The following PDE3A variants were observed in gnomAD, a reference collection of about 807,000 sequenced individuals.
The protein encoded by PDE3A is phosphodiesterase 3A.
In PDE3A, 43 loss-of-function variants were observed where a neutral mutation model predicts 98.3. The ratio of observed to expected loss-of-function variants is 0.44; its 90% CI spans 0.34 to 0.56. PDE3A has a LOEUF of 0.56. Ranked by LOEUF, PDE3A falls within the 20% of genes least tolerant of loss-of-function variation. PDE3A has a pLI of 0.01. For missense variants in PDE3A, 1,427 were observed against 1,440.7 expected (o/e 0.99, Z 0.15); for synonymous variants, 663 against 567.9 (o/e 1.17, Z -2.38).
chr12:20,655,763 C>G (rs1945027916), intron 15 of PDE3A, among the ~76,000 whole-genome samples: 1 of 152,162 alleles, frequency 6.6e-6, no homozygotes, highest in Admixed American at 6.5e-5. Context: ...TACATTTTAA[C>G]TGGACTGCTT....
At chr12:20,525,428 T>TTTTTCAAATCTTTTAACATGGAAACA (rs1946498676) in intron 1 of PDE3A, among the ~76,000 whole-genome samples, 3 of 147,320 alleles carry the variant, frequency 2.0e-5, no homozygotes, top group Non-Finnish European at 3.0e-5. Flanking sequence ...TTGTTGTTCC[T>TTTTTCAAATCTTTTAACATGGAAACA]TTTTCAAATC....
intron 15 of PDE3A, among the ~76,000 whole-genome samples, chr12:20,678,672 C>G (rs1254824426): frequency 2.0e-5 from 3 of 152,184 alleles, no homozygotes; most frequent in South Asian, 4.1e-4. Context: ...GTAGCCAGCT[C>G]TAAGTTCACT....
At chr12:20,397,452 G>T (rs571125655) in intron 1 of PDE3A, among the ~76,000 whole-genome samples, 15 of 151,928 alleles carry the variant, frequency 9.9e-5, no homozygotes, top group Admixed American at 2.6e-4. Flanking sequence ...TATACTTATG[G>T]TATATCTCAA....
intron 1 of PDE3A, among the ~76,000 whole-genome samples, chr12:20,493,717 G>T (rs1042853481): frequency 2.6e-5 from 4 of 151,974 alleles, no homozygotes; most frequent in African/African-American, 9.7e-5. Context: ...CGCAGCCTCC[G>T]ACTCCCAGGT....
At chr12:20,501,634 G>A (rs7488406) in intron 1 of PDE3A, among the ~76,000 whole-genome samples, 151,323 of 152,266 alleles carry the variant, frequency 0.99, 75,202 homozygotes, top group East Asian at 1. Flanking sequence ...AATCATACCA[G>A]AAGAGTTACT....
rs138564076 is a variant in PDE3A, at chr12:20,570,959, T to G, written c.1011+14249T>G. 2.0e-5 allele frequency among the ~76,000 whole-genome samples: 3 copies of G among 152,302 alleles called. No individual in the cohort carries two copies. In the East Asian group the frequency reaches 5.8e-4, roughly 29 times the overall value. ...CTAGTGAACTTATTAGACGTTCTGATGGACAGTGTTTTAGATGAAACTAGA... is the reference window on the plus strand; with the variant it reads ...CTAGTGAACTTATTAGACGTTCTGAGGGACAGTGTTTTAGATGAAACTAGA... On this transcript the variant is annotated intron_variant, in intron 2 of 15. Coordinates refer to ENST00000359062, the MANE Select transcript of PDE3A (RefSeq NM_000921.5).
chr12:20,483,383 A>C (rs1279833812), intron 1 of PDE3A, among the ~76,000 whole-genome samples: 1 of 152,142 alleles, frequency 6.6e-6, no homozygotes, highest in Non-Finnish European at 1.5e-5. Context: ...GCGACACTCC[A>C]TCTCAACAAA....
At chr12:20,612,305 T>G (rs534150158) in intron 2 of PDE3A, among the ~76,000 whole-genome samples, 5 of 151,754 alleles carry the variant, frequency 3.3e-5, no homozygotes, top group Non-Finnish European at 7.4e-5. Flanking sequence ...CACTTCCTTT[T>G]TCAATTTTGT....
At chr12:20,583,092 C>T (rs1043634228) in intron 2 of PDE3A, among the ~76,000 whole-genome samples, 7 of 152,020 alleles carry the variant, frequency 4.6e-5, no homozygotes, top group South Asian at 2.1e-4. Context: ...GCCCAGAAAC[C>T]TGGTTAGCTG....
intron 2 of PDE3A, among the ~76,000 whole-genome samples, chr12:20,594,329 A>G (rs1943413252): frequency 6.6e-6 from 1 of 152,174 alleles, no homozygotes; most frequent in South Asian, 2.1e-4. Flanking sequence ...CAGTGGTAGG[A>G]GACTGGTATT....
chr12:20,523,703 G>A (rs1194458311), intron 1 of PDE3A, among the ~76,000 whole-genome samples: 2 of 152,248 alleles, frequency 1.3e-5, no homozygotes, highest in South Asian at 2.1e-4. Context: ...ATTTCTTAAC[G>A]GGTGTGTGAT....
At position 20,372,422 on chromosome 12, in the gene PDE3A, G is replaced by T. The variant is rs569786579; in HGVS notation, c.960+2178G>T. ...AATGAGGGCATGGGTGAGTGTGTGC[G>T]TGTCACTGAAGACTGGTTTTTATAT... On this transcript the variant is annotated intron_variant, in intron 1 of 15. Coordinates refer to ENST00000359062, the MANE Select transcript of PDE3A (RefSeq NM_000921.5). Among the ~76,000 whole-genome samples, 8 of 152,148 alleles carry T rather than the reference G, an allele frequency of 5.3e-5. No homozygotes were observed. The East Asian group carries it at 1.5e-3, about 29-fold the overall frequency.
intron 6 of PDE3A, among the ~76,000 whole-genome samples, 174 bp from the exon 7 acceptor site, chr12:20,633,519 C>T (rs1231783276): frequency 6.6e-6 from 1 of 152,286 alleles, no homozygotes; most frequent in Non-Finnish European, 1.5e-5. Context: ...GAAAGTAGTA[C>T]ACTGCATATC....
rs1054066688 is a variant in PDE3A at position 20,684,278 on chromosome 12, A to G, written c.*4007A>G. 6.6e-5 allele frequency: 10 copies of G among 152,138 alleles called. No homozygotes were observed. The highest frequency in any genetic ancestry group is 2.2e-4 in the African/African-American group (9 of 41,454). The allele number at this position is 152,138 out of a possible 1,614,324, so 9.4% of individuals were successfully genotyped here. A position where few individuals can be genotyped will look rare whatever the true frequency, so the allele number is the denominator to read the frequency against. ...TTCTAAAATAATAATGGAAACCTCA[A>G]TAAGGGTCTTGTCCTCTTCTGTCAT... On this transcript the variant is annotated 3_prime_UTR_variant, in exon 16 of 16. Transcript: ENST00000359062.
intron 1 of PDE3A, among the ~76,000 whole-genome samples, chr12:20,385,404 A>G (rs983182821): frequency 6.6e-6 from 1 of 152,040 alleles, no homozygotes; most frequent in Non-Finnish European, 1.5e-5. Flanking sequence ...ATCTAGAACT[A>G]GAAATACCAT....
At chr12:20,536,463 C>T (rs897959368) in intron 1 of PDE3A, among the ~76,000 whole-genome samples, 3 of 151,984 alleles carry the variant, frequency 2.0e-5, no homozygotes, top group Non-Finnish European at 4.4e-5. Flanking sequence ...ATGGAGCTAT[C>T]GCCACTAATC....
rs1298687686 is a variant in PDE3A at position 20,684,118 on chromosome 12, CTAAT to C, written c.*3849_*3852del. ...GAAATTATTAATTTATAAAAGTGAA[CTAAT>C]TGTGTGATTATCAAATCCTGATTAA... On this transcript the variant is annotated 3_prime_UTR_variant, in exon 16 of 16. Coordinates refer to ENST00000359062, the MANE Select transcript of PDE3A (RefSeq NM_000921.5). 6.6e-6 allele frequency: 1 copy of C among 151,986 alleles called. No homozygotes were observed. Among genetic ancestry groups the C allele is most frequent in the African/African-American group, 2.4e-5 (1 of 41,406 alleles). 9.4% of individuals were successfully genotyped at this position (151,986 alleles called of 1,614,324 possible).
chr12:20,630,927 AT>A (rs1944363928), intron 6 of PDE3A, among the ~76,000 whole-genome samples: 1 of 152,196 alleles, frequency 6.6e-6, no homozygotes, highest in African/African-American at 2.4e-5. Context: ...AACTATTTGA[AT>A]AAATGAGTAA....
chr12:20,487,143 T>C (rs1945740745), intron 1 of PDE3A, among the ~76,000 whole-genome samples: 1 of 58,434 alleles, frequency 1.7e-5, no homozygotes, highest in Non-Finnish European at 4.5e-5. Flanking sequence ...ATATTAAATT[T>C]GACTGGCGTA....
Sources: gnomAD v4.1 joint callset for allele counts (sites outside exome capture counted in the v4.1 genomes callset) on GRCh38, gnomAD v4.1.1 for gene constraint, MANE v1.5 for transcripts, NCBI Gene and HGNC (gene_info 2026-07-23, HGNC 2026-07-21) for gene names.